Variants in SEMA3E observed in about 807,000 individuals in gnomAD.
The protein encoded by SEMA3E is semaphorin 3E.
In SEMA3E, 49 loss-of-function variants were observed where a neutral mutation model predicts 93.6. The ratio of observed to expected loss-of-function variants is 0.52; its 90% CI spans 0.42 to 0.66. The LOEUF is 0.66. Ranked by LOEUF, SEMA3E falls within the 30% of genes least tolerant of loss-of-function variation. SEMA3E has a pLI of 0.00. For synonymous variants in SEMA3E, 363 were observed against 330.7 expected (o/e 1.10, Z -1.06); for missense variants, 906 against 964.8 (o/e 0.94, Z 0.81).
intron 1 of SEMA3E, among the ~76,000 whole-genome samples, chr7:83,530,888 A>G (rs991073783): frequency 1.4e-4 from 22 of 152,142 alleles, no homozygotes; most frequent in African/African-American, 5.3e-4. Flanking sequence ...GGGGAAAAAA[A>G]AAATTCAAGG....
intron 2 of SEMA3E, among the ~76,000 whole-genome samples, chr7:83,472,940 G>C (rs537605893): frequency 1.3e-5 from 2 of 152,272 alleles, no homozygotes; most frequent in East Asian, 3.9e-4. Context: ...TGTGAAAAAG[G>C]TGCTTTGTTT....
chr7:83,417,297 T>C (rs952983676), intron 5 of SEMA3E, among the ~76,000 whole-genome samples: 1 of 152,026 alleles, frequency 6.6e-6, no homozygotes, highest in African/African-American at 2.4e-5. Flanking sequence ...ATGTAGGGAA[T>C]AGAATGCAAG....
At chr7:83,439,708 G>A (rs1234476703) in intron 4 of SEMA3E, among the ~76,000 whole-genome samples, 1 of 152,130 alleles carries the variant, frequency 6.6e-6, no homozygotes, top group Non-Finnish European at 1.5e-5. Context: ...AGCATATTTT[G>A]CACCTTTCTT....
intron 1 of SEMA3E, among the ~76,000 whole-genome samples, chr7:83,559,002 C>T (rs1791973922): frequency 6.6e-6 from 1 of 152,038 alleles, no homozygotes; most frequent in Non-Finnish European, 1.5e-5. Context: ...TAATTTTAAC[C>T]AGCTACATTG....
intron 4 of SEMA3E, among the ~76,000 whole-genome samples, chr7:83,447,481 T>G (rs1255361482): frequency 2.0e-5 from 3 of 152,086 alleles, no homozygotes; most frequent in Non-Finnish European, 4.4e-5. Context: ...GAGGATGCAG[T>G]GAGCCGAGAT....
At chr7:83,439,687 T>C (rs557215335) in intron 4 of SEMA3E, among the ~76,000 whole-genome samples, 2 of 152,358 alleles carry the variant, frequency 1.3e-5, no homozygotes, top group South Asian at 4.1e-4. Context: ...TCTATGAGTC[T>C]TGAGTGTGAG....
chr7:83,595,769 T>TCGG (rs1386731849), intron 1 of SEMA3E, among the ~76,000 whole-genome samples: 1 of 152,060 alleles, frequency 6.6e-6, no homozygotes, highest in Admixed American at 6.6e-5. Context: ...GAATCACATC[T>TCGG]CGGTACATCA....
chr7:83,364,405 T>C lies in SEMA3E; in HGVS notation c.*3181A>G, dbSNP rs954180774. 5.3e-5 allele frequency: 8 copies of C among 152,226 alleles called. No homozygotes were observed. The highest frequency in any genetic ancestry group is 8.8e-5 in the Non-Finnish European group (6 of 68,040). 9.4% of individuals were successfully genotyped at this position (152,226 alleles called of 1,614,324 possible). On this transcript the variant is annotated 3_prime_UTR_variant, in exon 17 of 17. Transcript: ENST00000643230. ...TAGATAGAAAAAACTCTAAAATATGTATGGAATTGCCACTTACTAAACAGG... is the reference window on the plus strand; with the variant it reads ...TAGATAGAAAAAACTCTAAAATATGCATGGAATTGCCACTTACTAAACAGG...
chr7:83,535,943 A>C (rs930051355), intron 1 of SEMA3E, among the ~76,000 whole-genome samples: 18 of 152,292 alleles, frequency 1.2e-4, no homozygotes, highest in Middle Eastern at 3.4e-3. Context: ...TGGAAAGATT[A>C]ATAAAACCAA....
chr7:83,372,256 A>G lies in SEMA3E; in HGVS notation c.1876-4218T>C, dbSNP rs182530377. 1,251 of 398,144 alleles carry G rather than the reference A, an allele frequency of 3.1e-3. 7 individuals carry two copies. The highest frequency in any genetic ancestry group is 3.4e-3 in the Non-Finnish European group (771 of 225,774). 24.7% of individuals were successfully genotyped at this position (398,144 alleles called of 1,614,324 possible). A position where few individuals can be genotyped will look rare whatever the true frequency, so the allele number is the denominator to read the frequency against. On this transcript the variant is annotated intron_variant, in intron 16 of 16. Transcript: ENST00000643230. ...TTAGTAACTGATGAAAGAGGGCTAC[A>G]TCACAGATACGTCTTAGGACATTGC...
intron 5 of SEMA3E, among the ~76,000 whole-genome samples, chr7:83,414,037 T>C (rs1562771357): frequency 6.6e-6 from 1 of 152,178 alleles, no homozygotes; most frequent in Non-Finnish European, 1.5e-5. Flanking sequence ...AGCATGTGGA[T>C]AATGGGCATT....
chr7:83,428,110 GTTTTCCTCTTT>G (rs1401836133), intron 4 of SEMA3E, among the ~76,000 whole-genome samples: 1 of 152,164 alleles, frequency 6.6e-6, no homozygotes, highest in East Asian at 1.9e-4. Flanking sequence ...CTCCAGGGGA[GTTTTCCTCTTT>G]GGGCCTTGAG....
At chr7:83,522,071 G>A (rs920110507) in intron 1 of SEMA3E, among the ~76,000 whole-genome samples, 14 of 152,144 alleles carry the variant, frequency 9.2e-5, no homozygotes, top group African/African-American at 3.1e-4. Flanking sequence ...ATAAAGATGT[G>A]CTACTTAGAA....
At chr7:83,643,448 A>G (rs1196889945) in intron 1 of SEMA3E, among the ~76,000 whole-genome samples, 2 of 152,020 alleles carry the variant, frequency 1.3e-5, no homozygotes, top group African/African-American at 4.8e-5. Flanking sequence ...CACTGTTTAT[A>G]TATGAACTGT....
intron 5 of SEMA3E, among the ~76,000 whole-genome samples, chr7:83,410,996 A>G (rs73707828): frequency 0.042 from 6,409 of 152,104 alleles, 197 homozygotes; most frequent in African/African-American, 0.079. Context: ...TACATTTTTA[A>G]TATTTGATTT....
chr7:83,536,368 GAAT>G lies in SEMA3E; in HGVS notation c.116-46097_116-46095del, dbSNP rs1354206949. Among the ~76,000 whole-genome samples, 10 of 152,054 alleles carry G rather than the reference GAAT, an allele frequency of 6.6e-5. No homozygotes were observed. The East Asian group carries it at 1.9e-3, about 29-fold the overall frequency. On this transcript the variant is annotated intron_variant, in intron 1 of 16. Coordinates refer to ENST00000643230, the MANE Select transcript of SEMA3E (RefSeq NM_012431.3). ...TTCTCATGTCAAATGTTAAGGCTTT[GAAT>G]AATAACAATTTTTTAAAATAGTACA...
Position 83,461,041 on chromosome 7 carries a change from C to T in SEMA3E, c.456+5441G>A, listed in dbSNP as rs564299690. Among the ~76,000 whole-genome samples, 91 of 152,174 alleles carry T rather than the reference C, an allele frequency of 6.0e-4. 1 individual carries two copies. Among genetic ancestry groups the T allele is most frequent in the African/African-American group, 2.0e-3 (85 of 41,524 alleles). On this transcript the variant is annotated intron_variant, in intron 4 of 16. Coordinates refer to ENST00000643230, the MANE Select transcript of SEMA3E (RefSeq NM_012431.3). ...AATGCCTTATTTTCTTCTGCCATGC[C>T]GCTTGACCCCAATACAAACTGGACA... is the stretch of plus-strand genomic sequence containing the variant.
At chr7:83,489,280 T>C (rs1484662003) in intron 2 of SEMA3E, among the ~76,000 whole-genome samples, 1 of 151,910 alleles carries the variant, frequency 6.6e-6, no homozygotes, top group African/African-American at 2.4e-5. Flanking sequence ...CAATAAACAG[T>C]ATGCAAATGT....
At chr7:83,443,072 G>A (rs1266448102) in intron 4 of SEMA3E, among the ~76,000 whole-genome samples, 1 of 152,124 alleles carries the variant, frequency 6.6e-6, no homozygotes, top group Non-Finnish European at 1.5e-5. Context: ...GCTCTGTAAT[G>A]GTAAAGCCAG....
Sources: gnomAD v4.1 joint callset for allele counts (sites outside exome capture counted in the v4.1 genomes callset) on GRCh38, gnomAD v4.1.1 for gene constraint, MANE v1.5 for transcripts, NCBI Gene and HGNC (gene_info 2026-07-23, HGNC 2026-07-21) for gene names.